RERE: variants seen among roughly 807,000 people sequenced by gnomAD.
RERE encodes the protein arginine-glutamic acid dipeptide repeats protein.
In RERE, 40 loss-of-function variants were observed where a neutral mutation model predicts 146.1. The ratio of observed to expected loss-of-function variants is 0.27; its 90% confidence interval spans 0.21 to 0.36. The LOEUF (loss-of-function observed/expected upper bound fraction) is 0.36, where lower values mean the gene tolerates loss of function less well. RERE is among the 10% of genes least tolerant of loss of function. The probability of loss-of-function intolerance (pLI) is 1.00; values close to 1 mark genes in which losing one functional copy is unlikely to be tolerated. For missense variants in RERE, 1,933 were observed against 2,138.7 expected, an observed-to-expected ratio of 0.90 and a Z score of 1.90; for synonymous variants, 1,003 against 866.0, an observed-to-expected ratio of 1.16 and a Z score of -2.78.
At position 8,404,064 on chromosome 1, in the gene RERE, C is replaced by T. The variant is rs535784400; in HGVS notation, c.1284+18663G>A. Among the ~76,000 whole-genome samples, 16 of 151,698 alleles carry T rather than the reference C, an allele frequency of 1.1e-4. 1 individual carries two copies. The South Asian group carries it at 2.7e-3, about 26-fold the overall frequency. On this transcript the variant is annotated intron_variant, in intron 12 of 22. Coordinates refer to ENST00000400908, the MANE Select transcript of RERE (RefSeq NM_001042681.2). ...CAGGATGGTCTCCATCTCTTGACTTCGTGATCCGCCCGCCTCGGCCTCCCA... is the reference window on the plus strand; with the variant it reads ...CAGGATGGTCTCCATCTCTTGACTTTGTGATCCGCCCGCCTCGGCCTCCCA...
At chr1:8,811,043 G>T (rs1641797220) in intron 1 of RERE, among the ~76,000 whole-genome samples, 1 of 152,208 alleles carries the variant, frequency 6.6e-6, no homozygotes, top group South Asian at 2.1e-4. Flanking sequence ...AGGAAAATAA[G>T]GTGTTAGAAT....
At chr1:8,656,848 C>T (rs1434150958) in intron 1 of RERE, among the ~76,000 whole-genome samples, 2 of 152,180 alleles carry the variant, frequency 1.3e-5, no homozygotes, top group African/African-American at 4.8e-5. Flanking sequence ...CACTGCGGCT[C>T]ATGCCTTGTA....
rs779253067 is a variant in RERE at position 8,358,924 on chromosome 1, A to G, written c.3619-8T>C. On this transcript the variant is annotated splice_polypyrimidine_tract_variant and splice_region_variant and intron_variant, in intron 19 of 22. Coordinates refer to ENST00000400908, the MANE Select transcript of RERE (RefSeq NM_001042681.2). ...CGCTGAGCTGGACGCCTTCTGCAGA[A>G]GGAAAAGAAAGCGTGAGGGGTCCCC... 1 of 1,512,222 alleles carries G rather than the reference A, an allele frequency of 6.6e-7. No individual in the cohort carries two copies. Among genetic ancestry groups the G allele is most frequent in the Admixed American group, 2.2e-5 (1 of 46,240 alleles). The allele number at this position is 1,512,222 out of a possible 1,614,324, so 93.7% of individuals were successfully genotyped here.
intron 21 of RERE, 97 bp from the exon 22 acceptor site, chr1:8,355,696 A>AG: frequency 2.7e-6 from 3 of 1,098,600 alleles, no homozygotes; most frequent in Non-Finnish European, 3.8e-6. Context: ...AGCACAGGAG[A>AG]GGTGCCAGTT....
At chr1:8,522,787 C>T (rs1477546091) in intron 7 of RERE, among the ~76,000 whole-genome samples, 6 of 151,962 alleles carry the variant, frequency 3.9e-5, no homozygotes, top group Admixed American at 3.9e-4. Flanking sequence ...GCAGGCAAAT[C>T]GCTTGAACCC....
chr1:8,372,507 C>CATATGTGTGTGTGTGTGT (rs1553157691), intron 12 of RERE, among the ~76,000 whole-genome samples: 1 of 131,764 alleles, frequency 7.6e-6, no homozygotes, highest in South Asian at 2.8e-4. Context: ...ACCATCAGGT[C>CATATGTGTGTGTGTGTGT]GTGTGTGTGT....
At chr1:8,709,284 A>AT (rs200478647) in intron 1 of RERE, among the ~76,000 whole-genome samples, 35,992 of 148,718 alleles carry the variant, frequency 0.24, 4,475 homozygotes, top group African/African-American at 0.3. Flanking sequence ...AGATTTTTTA[A>AT]TTTTTTTTTT....
At chr1:8,636,901 G>C (rs770457118) in intron 2 of RERE, among the ~76,000 whole-genome samples, 2 of 150,814 alleles carry the variant, frequency 1.3e-5, no homozygotes, top group Non-Finnish European at 3.0e-5. Flanking sequence ...GAACCAAGCC[G>C]AGAATCCACA....
intron 11 of RERE, among the ~76,000 whole-genome samples, chr1:8,456,249 CCA>C (rs1289311872): frequency 5.3e-5 from 8 of 152,246 alleles, no homozygotes; most frequent in Non-Finnish European, 8.8e-5. Flanking sequence ...TTTAAGTTTT[CCA>C]CAGTGTTCAC....
In RERE at chr1:8,360,147, C is replaced by A. The variant is rs1274571512; in HGVS notation, c.3360G>T (p.Val1120=). 1.9e-6 allele frequency: 3 copies of A among 1,595,390 alleles called. No homozygotes were observed. Among genetic ancestry groups the A allele is most frequent in the Admixed American group, 1.7e-5 (1 of 58,634 alleles). Residue 1120 remains valine, a synonymous_variant, in exon 18 of 23, where the codon GTG becomes GTT. Transcript: ENST00000400908. ...PPRSPSPEPT[V]VDTPSHASQS... ...GGCTGGCGTGACTGGGGGTGTCCAC[C>A]ACAGTGGGCTCCGGGGACGGGCTCC... is the stretch of plus-strand genomic sequence containing the variant.
chr1:8,763,461 C>T (rs1400875351), intron 1 of RERE, among the ~76,000 whole-genome samples: 2 of 151,904 alleles, frequency 1.3e-5, no homozygotes, highest in Non-Finnish European at 2.9e-5. Context: ...AATGAAACCC[C>T]GTCTCAACTA....
In RERE at chr1:8,364,653, C is replaced by T. The variant is rs1641727820; in HGVS notation, c.1540+93G>A. ...TGCAAATGTCAAATCAAGTACTGTCCCTGGCAGGTTTCCAGCTGGATGCAT... is the reference window on the plus strand; with the variant it reads ...TGCAAATGTCAAATCAAGTACTGTCTCTGGCAGGTTTCCAGCTGGATGCAT... On this transcript the variant is annotated intron_variant, in intron 14 of 22. Transcript: ENST00000400908. This position sits in a 1 kb window ranked among gnomAD's most constrained non-coding sequence, Gnocchi z 5.1. 18 of 872,462 alleles carry T rather than the reference C, an allele frequency of 2.1e-5. No homozygotes were observed. In the East Asian group the frequency reaches 4.0e-4, roughly 19 times the overall value. 54.0% of individuals were successfully genotyped at this position (872,462 alleles called of 1,614,324 possible).
chr1:8,638,783 A>ATTTTTTTTTTTTTTTTTT (rs34276909), intron 2 of RERE, among the ~76,000 whole-genome samples: 1 of 100,348 alleles, frequency 1.0e-5, no homozygotes, highest in African/African-American at 4.2e-5. Context: ...ACGAAAAAAA[A>ATTTTTTTTTTTTTTTTTT]TTTTTTTTTT....
intron 2 of RERE, among the ~76,000 whole-genome samples, chr1:8,628,941 CT>C (rs1262387307): frequency 1.1e-4 from 16 of 152,138 alleles, no homozygotes; most frequent in Admixed American, 2.0e-4. Context: ...GCATATACTT[CT>C]TTTTTTATTA....
At chr1:8,662,523 G>T (rs547168178) in intron 1 of RERE, among the ~76,000 whole-genome samples, 1 of 152,192 alleles carries the variant, frequency 6.6e-6, no homozygotes, top group Non-Finnish European at 1.5e-5. Flanking sequence ...CTTTACAAAA[G>T]AAAAATAAAT....
intron 1 of RERE, among the ~76,000 whole-genome samples, chr1:8,668,701 G>C (rs896693857): frequency 6.6e-6 from 1 of 152,154 alleles, no homozygotes; most frequent in African/African-American, 2.4e-5. Context: ...AAAAGAGCCA[G>C]TCACAAAAGA....
At chr1:8,502,216 A>G (rs867732122) in intron 8 of RERE, among the ~76,000 whole-genome samples, 25 of 68,602 alleles carry the variant, frequency 3.6e-4, no homozygotes, top group Admixed American at 5.2e-4. Flanking sequence ...AGGTGGGGGG[A>G]TCAGCCCCCC....
intron 12 of RERE, among the ~76,000 whole-genome samples, chr1:8,395,215 C>A (rs918627173): frequency 6.6e-6 from 1 of 152,130 alleles, no homozygotes; most frequent in Non-Finnish European, 1.5e-5. Flanking sequence ...GTGGCTCATG[C>A]TTGTAATCTG....
At chr1:8,574,957 C>A (rs1646272298) in intron 4 of RERE, among the ~76,000 whole-genome samples, 1 of 152,160 alleles carries the variant, frequency 6.6e-6, no homozygotes. Context: ...AAATTAACAT[C>A]TTTCTAAAAT....
Sources: allele counts gnomAD v4.1 joint callset (sites outside exome capture counted in the v4.1 genomes callset), GRCh38; gene constraint gnomAD v4.1.1; non-coding constraint Gnocchi (gnomAD v3.1); transcripts MANE v1.5; gene names NCBI Gene and HGNC (gene_info 2026-07-23, HGNC 2026-07-21).